MCTP2: variants seen among roughly 807,000 people sequenced by gnomAD.
MCTP2 encodes multiple C2 and transmembrane domain-containing protein 2.
A neutral mutation model predicts 111.6 loss-of-function variants in MCTP2; 132 were observed. That is an observed-to-expected ratio of 1.18 (90% CI 1.03 to 1.37). The LOEUF (loss-of-function observed/expected upper bound fraction) is 1.37. MCTP2 is among the 40% of genes most tolerant of loss of function. MCTP2 has a pLI of 0.00. For synonymous variants in MCTP2, 395 were observed against 387.7 expected (o/e 1.02, Z -0.22); for missense variants, 1,183 against 1,067.9 (o/e 1.11, Z -1.50).
intron 17 of MCTP2, among the ~76,000 whole-genome samples, chr15:94,426,407 G>A (rs561520132): frequency 4.3e-4 from 66 of 152,098 alleles, no homozygotes; most frequent in African/African-American, 1.6e-3. Flanking sequence ...TCTACTTGAA[G>A]TGTAGATATT....
intron 14 of MCTP2, among the ~76,000 whole-genome samples, chr15:94,389,470 T>C (rs1338595503): frequency 2.0e-5 from 3 of 152,132 alleles, no homozygotes; most frequent in African/African-American, 7.2e-5. Flanking sequence ...TCGGCTCTAG[T>C]ATGAAGCAAA....
At chr15:94,325,447 C>T (rs907157170) in intron 4 of MCTP2, among the ~76,000 whole-genome samples, 11 of 152,146 alleles carry the variant, frequency 7.2e-5, no homozygotes, top group African/African-American at 1.7e-4. Flanking sequence ...TCCTTTTTAT[C>T]GTGGGCTTAT....
At chr15:94,280,553 G>T (rs11857346) in intron 1 of MCTP2, among the ~76,000 whole-genome samples, 12,293 of 148,894 alleles carry the variant, frequency 0.083, 534 homozygotes, top group South Asian at 0.18. Flanking sequence ...AACAACTTTT[G>T]GTTTCATTGA....
intron 19 of MCTP2, among the ~76,000 whole-genome samples, chr15:94,448,823 A>G (rs892277510): frequency 6.6e-6 from 1 of 152,202 alleles, no homozygotes; most frequent in Non-Finnish European, 1.5e-5. Context: ...TTTTGTATTT[A>G]AAAATAAATC....
At chr15:94,244,583 T>C (rs1465461941) in intron 1 of MCTP2, among the ~76,000 whole-genome samples, 1 of 147,116 alleles carries the variant, frequency 6.8e-6, no homozygotes, top group Non-Finnish European at 1.5e-5. Flanking sequence ...TGTATACACA[T>C]ACATATGCAC....
In MCTP2 at chr15:94,399,906, G is replaced by T. The variant is rs80194738; in HGVS notation, c.1891-15G>T. On this transcript the variant is annotated splice_polypyrimidine_tract_variant and intron_variant, in intron 15 of 22. Coordinates refer to ENST00000357742, the MANE Select transcript of MCTP2 (RefSeq NM_001385001.1). ...TATACATGCTGCCCTTTTTTAACAAGGATGTCTTTTCTAGGTGAAAGCAAG... is the reference window on the plus strand; with the variant it reads ...TATACATGCTGCCCTTTTTTAACAATGATGTCTTTTCTAGGTGAAAGCAAG... The T allele has an allele frequency of 3.7e-3, 6,010 of 1,612,336 alleles. 139 individuals are homozygous for T. The African/African-American group carries it at 0.063, about 17-fold the overall frequency.
chr15:94,340,233 T>C lies in MCTP2; in HGVS notation c.815T>C (p.Met272Thr). Residue 272 changes from methionine (M) to threonine (T), a missense_variant, in exon 6 of 23, where the codon ATG becomes ACG. Met to Thr is a moderately conservative substitution (Grantham distance 81, BLOSUM62 -1). Transcript: ENST00000357742. Reference sequence around the variant, plus strand: ...CGAGATTTAACCACATCTGATTTCATGGGTTCTGCATTTGTCATTCTCAGT... The same window carrying C: ...CGAGATTTAACCACATCTGATTTCACGGGTTCTGCATTTGTCATTCTCAGT... ...YDRDLTTSDF[M>T]GSAFVILSDL... The C allele has an allele frequency of 6.2e-7, 1 of 1,613,310 alleles. No homozygotes were observed. Among genetic ancestry groups the C allele is most frequent in the Non-Finnish European group, 8.5e-7 (1 of 1,179,410 alleles).
At chr15:94,438,546 C>T (rs1436147382) in intron 17 of MCTP2, among the ~76,000 whole-genome samples, 2 of 152,110 alleles carry the variant, frequency 1.3e-5, no homozygotes, top group South Asian at 2.1e-4. Flanking sequence ...TATGAAATTA[C>T]AAATACAATA....
intron 1 of MCTP2, among the ~76,000 whole-genome samples, chr15:94,243,179 GTACGTATGCGTATA>G (rs1000458539): frequency 1.2e-4 from 18 of 147,654 alleles, no homozygotes; most frequent in South Asian, 2.1e-4. Context: ...ACGTACGTAT[GTACGTATGCGTATA>G]TACGTATGCG....
intron 20 of MCTP2, among the ~76,000 whole-genome samples, chr15:94,467,698 A>T (rs2073508455): frequency 6.6e-6 from 1 of 152,224 alleles, no homozygotes; most frequent in South Asian, 2.1e-4. Flanking sequence ...ACATTTATGT[A>T]CTGCCCCTGT....
chr15:94,317,545 T>C (rs996206333), intron 4 of MCTP2, among the ~76,000 whole-genome samples: 1 of 152,240 alleles, frequency 6.6e-6, no homozygotes, highest in African/African-American at 2.4e-5. Flanking sequence ...AGCTCTCTTT[T>C]TGTGCTGAAC....
At chr15:94,400,849 T>C (rs2081550037) in intron 16 of MCTP2, among the ~76,000 whole-genome samples, 1 of 152,198 alleles carries the variant, frequency 6.6e-6, no homozygotes, top group Non-Finnish European at 1.5e-5. Context: ...CATGAACTTC[T>C]GGGCATACTT....
intron 7 of MCTP2, chr15:94,343,784 G>T (rs915775011): frequency 2.0e-5 from 3 of 152,188 alleles, no homozygotes; most frequent in Non-Finnish European, 4.4e-5. Flanking sequence ...TAAAAAGAGT[G>T]TCTGTTTTAT....
At chr15:94,465,891 T>G (rs908205694) in intron 20 of MCTP2, among the ~76,000 whole-genome samples, 1 of 152,160 alleles carries the variant, frequency 6.6e-6, no homozygotes, top group African/African-American at 2.4e-5. Context: ...TCACTTTTAA[T>G]GTCTTCCCAG....
intron 1 of MCTP2, among the ~76,000 whole-genome samples, chr15:94,283,632 C>T (rs536236474): frequency 2.8e-4 from 42 of 152,128 alleles, no homozygotes; most frequent in Non-Finnish European, 5.6e-4. Context: ...ATGTAGAGTT[C>T]CCAGCTTCTT....
chr15:94,386,028 C>T (rs1033946166), intron 14 of MCTP2, among the ~76,000 whole-genome samples: 3 of 152,118 alleles, frequency 2.0e-5, no homozygotes, highest in African/African-American at 4.8e-5. Context: ...TTTAAAAATG[C>T]TTTGTGGAAG....
intron 19 of MCTP2, among the ~76,000 whole-genome samples, chr15:94,455,684 C>G (rs2084783675): frequency 6.6e-6 from 1 of 152,082 alleles, no homozygotes; most frequent in African/African-American, 2.4e-5. Flanking sequence ...CTTGGCCTCT[C>G]AAAGTGCTGG....
intron 14 of MCTP2, among the ~76,000 whole-genome samples, chr15:94,389,683 G>C (rs1000067610): frequency 1.3e-5 from 2 of 152,054 alleles, no homozygotes; most frequent in African/African-American, 4.8e-5. Context: ...TTTATAGGCA[G>C]TGGAGCCATA....
chr15:94,390,013 A>T (rs2080778861), intron 14 of MCTP2, among the ~76,000 whole-genome samples: 1 of 145,870 alleles, frequency 6.9e-6, no homozygotes, highest in Non-Finnish European at 1.5e-5. Flanking sequence ...TAAAATCCAT[A>T]TAAATATATT....
Sources: allele counts gnomAD v4.1 joint callset (sites outside exome capture counted in the v4.1 genomes callset), GRCh38; gene constraint gnomAD v4.1.1; transcripts MANE v1.5; gene names NCBI Gene and HGNC (gene_info 2026-07-23, HGNC 2026-07-21).